The following PHF21B variants were observed in gnomAD, a reference collection of about 807,000 sequenced individuals.
The protein encoded by PHF21B is PHD finger protein 4.
A neutral mutation model predicts 62.2 loss-of-function variants in PHF21B; 22 were observed. The observed-to-expected ratio is 0.35, with a 90% confidence interval of 0.25 to 0.51. The LOEUF is 0.51. PHF21B is among the 20% of genes least tolerant of loss of function. The pLI is 0.97. For missense variants in PHF21B, 701 were observed against 707.9 expected, an observed-to-expected ratio of 0.99 and a Z score of 0.11; for synonymous variants, 341 against 314.7, an observed-to-expected ratio of 1.08 and a Z score of -0.88.
rs544454959 is a variant in PHF21B, at chr22:44,906,617, C to A, written c.831+7205G>T. On this transcript the variant is annotated intron_variant, in intron 5 of 12. Transcript: ENST00000313237. ...TCTGTCCTAAGGCAGGCTGTAGGCC[C>A]TGGGACAGGAGGGAGCAGACAGCGC... Among the ~76,000 whole-genome samples the A allele has an allele frequency of 2.6e-5, 4 of 152,356 alleles. No individual in the cohort carries two copies. In the East Asian group the frequency reaches 7.7e-4, roughly 29 times the overall value.
chr22:44,896,063 C>A lies in PHF21B; in HGVS notation c.852G>T (p.Ala284=), dbSNP rs115779640. Residue 284 remains alanine (A), a synonymous_variant, in exon 6 of 13, where the codon GCG becomes GCT. Coordinates refer to ENST00000313237, the MANE Select transcript of PHF21B (RefSeq NM_138415.5). ...AATGTTCCGTGGTAACCAGGCCTAG[C>A]GCTACCATGAAGGCGATTTTCTGAG... ...ENPEKIAFMV[A]LGLVTTEHLE... 1.9e-3 allele frequency: 3,030 copies of A among 1,614,156 alleles called. 9 individuals are homozygous for A. Among genetic ancestry groups the A allele is most frequent in the Middle Eastern group, 7.4e-3 (45 of 6,062 alleles).
intron 2 of PHF21B, among the ~76,000 whole-genome samples, chr22:44,947,156 G>C (rs2072090387): frequency 6.6e-6 from 1 of 152,230 alleles, no homozygotes; most frequent in Non-Finnish European, 1.5e-5. Flanking sequence ...TGGCCTTGCA[G>C]GCTGAGCTGT....
intron 2 of PHF21B, among the ~76,000 whole-genome samples, chr22:44,936,838 T>G (rs2071857608): frequency 6.6e-6 from 1 of 151,570 alleles, no homozygotes; most frequent in South Asian, 2.1e-4. Flanking sequence ...ACTTGTAATT[T>G]AAGACAAAAG....
chr22:44,923,934 C>T (rs1166127539), intron 2 of PHF21B, among the ~76,000 whole-genome samples: 1 of 151,600 alleles, frequency 6.6e-6, no homozygotes, highest in African/African-American at 2.4e-5. Context: ...TCACTTTAGG[C>T]CAGGAGGTTG....
intron 2 of PHF21B, among the ~76,000 whole-genome samples, chr22:44,948,893 C>T (rs1047032345): frequency 9.2e-5 from 14 of 152,216 alleles, no homozygotes; most frequent in African/African-American, 3.4e-4. Flanking sequence ...AGTTGATCCT[C>T]TTCTAGCACA....
At chr22:44,930,629 C>A (rs1300346145) in intron 2 of PHF21B, among the ~76,000 whole-genome samples, 1 of 152,180 alleles carries the variant, frequency 6.6e-6, no homozygotes, top group East Asian at 1.9e-4. Flanking sequence ...GAGGCTACAG[C>A]TCCCAAAGGT....
intron 5 of PHF21B, among the ~76,000 whole-genome samples, chr22:44,906,226 A>C (rs1397131005): frequency 6.6e-6 from 1 of 152,200 alleles, no homozygotes; most frequent in Non-Finnish European, 1.5e-5. Context: ...GGAGAGGTCC[A>C]TTCACGTGAA....
At chr22:44,929,639 C>G (rs2071701476) in intron 2 of PHF21B, among the ~76,000 whole-genome samples, 1 of 152,244 alleles carries the variant, frequency 6.6e-6, no homozygotes, top group African/African-American at 2.4e-5. Flanking sequence ...AGAAAGAGGG[C>G]AAGAACTGCT....
intron 5 of PHF21B, chr22:44,901,815 T>G: frequency 7.0e-6 from 2 of 284,906 alleles, no homozygotes; most frequent in Middle Eastern, 9.8e-4. Flanking sequence ...AAATCCAAGG[T>G]TGAAAAGAAA....
chr22:44,967,507 C>T (rs577136521), intron 2 of PHF21B, among the ~76,000 whole-genome samples: 1 of 152,278 alleles, frequency 6.6e-6, no homozygotes, highest in South Asian at 2.1e-4. Flanking sequence ...AGGCGTGAGC[C>T]ACTGTGCCCG....
intron 2 of PHF21B, among the ~76,000 whole-genome samples, chr22:44,984,007 A>G (rs1393136641): frequency 6.6e-6 from 1 of 151,206 alleles, no homozygotes; most frequent in Non-Finnish European, 1.5e-5. Flanking sequence ...TTAGCAAGGC[A>G]TGACAGCCAC....
rs1454996201 is a variant in PHF21B, at chr22:44,926,029, G to A, written c.121-5539C>T. Among the ~76,000 whole-genome samples, 5 of 151,320 alleles carry A rather than the reference G, an allele frequency of 3.3e-5. 1 individual carries two copies. Among genetic ancestry groups the A allele is most frequent in the Admixed American group, 3.3e-4 (5 of 15,202 alleles). On this transcript the variant is annotated intron_variant, in intron 2 of 12. Transcript: ENST00000313237. ...CGCAGGCCGAGAGTAAGCAAGCCCTGTGGTGGGAAGGCCCACGTGGCCCGG... is the reference window on the plus strand; with the variant it reads ...CGCAGGCCGAGAGTAAGCAAGCCCTATGGTGGGAAGGCCCACGTGGCCCGG...
At chr22:44,981,869 T>A (rs142386258) in intron 2 of PHF21B, among the ~76,000 whole-genome samples, 70 of 152,294 alleles carry the variant, frequency 4.6e-4, no homozygotes, top group African/African-American at 1.6e-3. Flanking sequence ...GTAACAAAAG[T>A]GTATCCAGTT....
chr22:45,002,201 T>C (rs1264684489), intron 2 of PHF21B, among the ~76,000 whole-genome samples: 2 of 152,240 alleles, frequency 1.3e-5, no homozygotes, highest in African/African-American at 4.8e-5. Flanking sequence ...ACTGTTGTAT[T>C]GACATATATC....
chr22:44,947,964 C>G (rs776680318), intron 2 of PHF21B, among the ~76,000 whole-genome samples: 1 of 152,200 alleles, frequency 6.6e-6, no homozygotes, highest in Non-Finnish European at 1.5e-5. Flanking sequence ...GAGCACAGGG[C>G]GCCAGAGCCT....
chr22:44,899,823 T>C (rs1329449011), intron 5 of PHF21B, among the ~76,000 whole-genome samples: 2 of 152,190 alleles, frequency 1.3e-5, no homozygotes, highest in Non-Finnish European at 1.5e-5. Flanking sequence ...ATTAGTGATA[T>C]TTTTACCTTA....
chr22:44,991,835 T>C (rs976569134), intron 2 of PHF21B, among the ~76,000 whole-genome samples: 1 of 152,246 alleles, frequency 6.6e-6, no homozygotes, highest in Non-Finnish European at 1.5e-5. Flanking sequence ...TCGCTGGCCT[T>C]ACAGGGTGAA....
chr22:44,910,138 C>T (rs2071320409), intron 5 of PHF21B, among the ~76,000 whole-genome samples: 1 of 152,148 alleles, frequency 6.6e-6, no homozygotes, highest in African/African-American at 2.4e-5. Context: ...AATGACAGTA[C>T]ATTGATGGGG....
At chr22:44,939,375 G>A (rs1156318539) in intron 2 of PHF21B, among the ~76,000 whole-genome samples, 1 of 152,234 alleles carries the variant, frequency 6.6e-6, no homozygotes, top group African/African-American at 2.4e-5. Context: ...TGTGACTGGT[G>A]TCCCCACCTG....
Sources: allele counts gnomAD v4.1 joint callset (sites outside exome capture counted in the v4.1 genomes callset), GRCh38; gene constraint gnomAD v4.1.1; transcripts MANE v1.5; gene names NCBI Gene and HGNC (gene_info 2026-07-23, HGNC 2026-07-21).